Variants in CDC25C observed in about 807,000 individuals in gnomAD.
CDC25C encodes cell division cycle 25C, also known as M-phase inducer phosphatase 3.
Under a neutral mutation model 52.5 loss-of-function variants are expected in CDC25C, and 48 were observed. That is an observed-to-expected ratio of 0.91 (90% CI 0.72 to 1.16). The LOEUF (loss-of-function observed/expected upper bound fraction) is 1.16, where lower values mean the gene tolerates loss of function less well. Ranked by LOEUF, CDC25C falls within the 50% of genes most tolerant of loss-of-function variation. The pLI is 0.00. For synonymous variants in CDC25C, 187 were observed against 206.5 expected, an observed-to-expected ratio of 0.91 and a Z score of 0.81; for missense variants, 510 against 566.1, an observed-to-expected ratio of 0.90 and a Z score of 1.01.
At chr5:138,294,847 C>T (rs939804254) in intron 7 of CDC25C, among the ~76,000 whole-genome samples, 1 of 151,890 alleles carries the variant, frequency 6.6e-6, no homozygotes, top group African/African-American at 2.4e-5. Flanking sequence ...TGGGGTTTCA[C>T]CATGTTGGTC....
chr5:138,291,139 T>C (rs1370137973), intron 8 of CDC25C, among the ~76,000 whole-genome samples: 4 of 152,018 alleles, frequency 2.6e-5, no homozygotes, highest in Non-Finnish European at 5.9e-5. Flanking sequence ...TTTTATTTTT[T>C]TTTATTAGAG....
At chr5:138,333,870 A>G (rs1760555911), upstream of CDC25C, 1 of 152,174 alleles carries the variant, frequency 6.6e-6, no homozygotes, top group Non-Finnish European at 1.5e-5. Flanking sequence ...AAATTCTCCA[A>G]AAATCTAGCC....
intron 10 of CDC25C, among the ~76,000 whole-genome samples, chr5:138,289,187 G>A (rs1042690307): frequency 6.6e-6 from 1 of 152,018 alleles, no homozygotes; most frequent in Admixed American, 6.6e-5. Context: ...GGGTGGTCTC[G>A]AATTCCCTGC....
chr5:138,298,765 AAAAATAAAAT>A (rs910479254), intron 7 of CDC25C, among the ~76,000 whole-genome samples: 6 of 151,870 alleles, frequency 4.0e-5, no homozygotes, highest in Admixed American at 3.9e-4. Context: ...AAAATAAAAT[AAAAATAAAAT>A]AAAATAAAAT....
chr5:138,294,479 C>A (rs191475589), intron 7 of CDC25C, among the ~76,000 whole-genome samples: 1 of 148,068 alleles, frequency 6.8e-6, no homozygotes, highest in Non-Finnish European at 1.5e-5. Flanking sequence ...TGTGAGCCAC[C>A]GTGCCCAACC....
intron 7 of CDC25C, among the ~76,000 whole-genome samples, chr5:138,308,447 C>G (rs1758199696): frequency 6.6e-6 from 1 of 152,182 alleles, no homozygotes; most frequent in Non-Finnish European, 1.5e-5. Flanking sequence ...TGAGACTTAA[C>G]TATATTAATT....
chr5:138,316,832 G>T (rs932318145), intron 7 of CDC25C, among the ~76,000 whole-genome samples: 14 of 152,116 alleles, frequency 9.2e-5, no homozygotes, highest in Non-Finnish European at 1.8e-4. Flanking sequence ...AAGACAAACT[G>T]CCTACAGAGA....
At chr5:138,322,330 C>T (rs1214746198) in intron 6 of CDC25C, among the ~76,000 whole-genome samples, 4 of 118,546 alleles carry the variant, frequency 3.4e-5, no homozygotes, top group East Asian at 2.6e-4. Context: ...GACAGAGTCT[C>T]GCTCTGTCGC....
intron 10 of CDC25C, among the ~76,000 whole-genome samples, chr5:138,288,142 C>G (rs961724040): frequency 1.3e-5 from 2 of 152,064 alleles, no homozygotes; most frequent in Admixed American, 6.6e-5. Flanking sequence ...ATGGTGCCAT[C>G]TTGGCTCACC....
At chr5:138,287,934 T>C (rs920453527) in intron 10 of CDC25C, among the ~76,000 whole-genome samples, 1 of 152,226 alleles carries the variant, frequency 6.6e-6, no homozygotes, top group Non-Finnish European at 1.5e-5. Context: ...AATAGGGGTT[T>C]GGTAAAATAA....
chr5:138,331,088 C>G lies in CDC25C; in HGVS notation c.93G>C (p.Leu31=), dbSNP rs562082059. ...FRSNQRKMLN[L]LLERDTSFTV... Reference sequence around the variant, plus strand: ...TAAAGGAAGTGTCTCTCTCCAGGAGCAGGTTTAACATTTTCCTTTGATTAG... The same window carrying G: ...TAAAGGAAGTGTCTCTCTCCAGGAGGAGGTTTAACATTTTCCTTTGATTAG... Residue 31 remains leucine (L), a synonymous_variant, in exon 2 of 14, where the codon CTG becomes CTC. Coordinates refer to ENST00000323760, the MANE Select transcript of CDC25C (RefSeq NM_001790.5). 4 of 1,614,102 alleles carry G rather than the reference C, an allele frequency of 2.5e-6. No individual in the cohort carries two copies. In the East Asian group the frequency reaches 8.9e-5, roughly 36 times the overall value.
chr5:138,325,459 A>G (rs2126821302), intron 6 of CDC25C, among the ~76,000 whole-genome samples: 1 of 152,336 alleles, frequency 6.6e-6, no homozygotes, highest in African/African-American at 2.4e-5. Flanking sequence ...AGTGGTAAAA[A>G]AAAATCCATG....
intron 7 of CDC25C, among the ~76,000 whole-genome samples, chr5:138,309,827 C>T (rs1758309532): frequency 6.6e-6 from 1 of 151,574 alleles, no homozygotes; most frequent in Non-Finnish European, 1.5e-5. Context: ...CTGCCTCAGC[C>T]TCCCAAGTAG....
chr5:138,313,195 G>A (rs1337125296), intron 7 of CDC25C, among the ~76,000 whole-genome samples: 1 of 151,918 alleles, frequency 6.6e-6, no homozygotes, highest in Non-Finnish European at 1.5e-5. Context: ...GGCCAACATG[G>A]TGAAACCTTG....
intron 6 of CDC25C, among the ~76,000 whole-genome samples, chr5:138,322,802 G>A (rs1759542984): frequency 6.6e-6 from 1 of 150,712 alleles, no homozygotes; most frequent in Non-Finnish European, 1.5e-5. Flanking sequence ...TTTTTTTTCA[G>A]TAGAGATGGG....
chr5:138,331,250 T>C, intron 1 of CDC25C, 32 bp from the exon 2 acceptor site: 1 of 1,420,432 alleles, frequency 7.0e-7, no homozygotes, highest in Non-Finnish European at 9.9e-7. Flanking sequence ...AATCGGTACA[T>C]CACAGTTCCC....
chr5:138,312,329 C>A (rs1265340605), intron 7 of CDC25C, among the ~76,000 whole-genome samples: 1 of 152,174 alleles, frequency 6.6e-6, no homozygotes, highest in African/African-American at 2.4e-5. Flanking sequence ...ATGATCACAT[C>A]ACTGCACTGC....
intron 1 of CDC25C, chr5:138,337,544 G>C (rs1414479378): frequency 2.0e-5 from 4 of 205,062 alleles, no homozygotes; most frequent in East Asian, 3.6e-4. Context: ...CATCCTGCTG[G>C]GGGGGAGGGG....
intron 1 of CDC25C, 116 bp from the exon 2 acceptor site, chr5:138,331,334 G>A: frequency 1.3e-6 from 1 of 762,182 alleles, no homozygotes; most frequent in Non-Finnish European, 2.1e-6. Context: ...CCCGAAGGGT[G>A]ATTCACAGCC....
Sources: allele counts gnomAD v4.1 joint callset (sites outside exome capture counted in the v4.1 genomes callset), GRCh38; gene constraint gnomAD v4.1.1; transcripts MANE v1.5; gene names NCBI Gene and HGNC (gene_info 2026-07-23, HGNC 2026-07-21).